The following CABIN1 variants were observed in gnomAD, a reference collection of about 807,000 sequenced individuals.
CABIN1 encodes calcineurin binding protein 1.
CABIN1 carries 133 observed loss-of-function variants against 227.7 expected under a neutral mutation model. The ratio of observed to expected loss-of-function variants is 0.58; its 90% confidence interval spans 0.51 to 0.67. The LOEUF (loss-of-function observed/expected upper bound fraction) is 0.67, where lower values mean the gene tolerates loss of function less well. Ranked by LOEUF, CABIN1 falls within the 30% of genes least tolerant of loss-of-function variation. The pLI is 0.00. For synonymous variants in CABIN1, 1,086 were observed against 1,155.1 expected (o/e 0.94, Z 1.21); for missense variants, 2,408 against 2,852.5 (o/e 0.84, Z 3.55).
At chr22:24,129,663 G>C (rs1355322508) in intron 28 of CABIN1, among the ~76,000 whole-genome samples, 1 of 152,260 alleles carries the variant, frequency 6.6e-6, no homozygotes, top group Non-Finnish European at 1.5e-5. Flanking sequence ...TTATAGGGCT[G>C]ATAGAGAAGT....
At chr22:24,171,610 G>C in intron 33 of CABIN1, 103 bp from the exon 34 acceptor site, 1 of 1,366,328 alleles carries the variant, frequency 7.3e-7, no homozygotes. Flanking sequence ...AGCCCCAGGC[G>C]CACAGGATGT....
At position 24,166,838 on chromosome 22, in the gene CABIN1, A is replaced by T. The variant is rs751503428; in HGVS notation, c.5207A>T (p.Asp1736Val). The change falls in exon 32 of 37, where the codon GAT becomes GTT. Residue 1736 changes from aspartate to valine, a missense_variant. By Grantham distance (152) the Asp-to-Val change is radical. This residue lies in a region of CABIN1 where 714 missense variants were observed against 773.8 expected (regional missense o/e 0.92). Coordinates refer to ENST00000263119, the MANE Select transcript of CABIN1 (RefSeq NM_012295.4). Reference protein sequence around the residue: ...GLLNHRPVAMDAGDSADQSGE... With the variant: ...GLLNHRPVAMVAGDSADQSGE... ...CTCAACCACCGGCCTGTGGCCATGG[A>T]TGCAGGAGACAGTGCAGACCAAAGC... The T allele has an allele frequency of 6.2e-7, 1 of 1,613,024 alleles. No individual in the cohort carries two copies. Among genetic ancestry groups the T allele is most frequent in the South Asian group, 1.1e-5 (1 of 91,090 alleles).
rs370218863 is a variant in CABIN1, at chr22:24,108,815, C to A, written c.4118-4751C>A. 2.6e-5 allele frequency among the ~76,000 whole-genome samples: 4 copies of A among 152,306 alleles called. No individual in the cohort carries two copies. In the East Asian group the frequency reaches 7.7e-4, roughly 29 times the overall value. ...GGCCTGTTGTGTCAATGTTGCCCCC[C>A]CATCTACATGGTGCTGCTTAGGTAT... is the stretch of plus-strand genomic sequence containing the variant. On this transcript the variant is annotated intron_variant, in intron 26 of 36. Transcript: ENST00000263119.
chr22:24,127,041 C>T (rs115451716), intron 28 of CABIN1, among the ~76,000 whole-genome samples: 1,850 of 151,656 alleles, frequency 0.012, 35 homozygotes, highest in African/African-American at 0.043. Context: ...AAAAAACTGT[C>T]GCAAGGTTGT....
chr22:24,092,872 C>T (rs1438427266), intron 24 of CABIN1, among the ~76,000 whole-genome samples: 3 of 152,178 alleles, frequency 2.0e-5, no homozygotes, highest in African/African-American at 7.2e-5. Context: ...CATATAGTAA[C>T]ATTTTCTTAT....
chr22:24,059,074 G>T (rs370901416), intron 10 of CABIN1, among the ~76,000 whole-genome samples, 153 bp from the exon 11 acceptor site: 1 of 152,236 alleles, frequency 6.6e-6, no homozygotes, highest in African/African-American at 2.4e-5. Flanking sequence ...GAGAGAGGCA[G>T]AGCCTCCTGG....
At chr22:24,029,602 C>T (rs1005040266) in intron 1 of CABIN1, among the ~76,000 whole-genome samples, 1 of 151,964 alleles carries the variant, frequency 6.6e-6, no homozygotes, top group African/African-American at 2.4e-5. Context: ...TTATACAGTA[C>T]ATGTTCAAAG....
rs1424032670 is a variant in CABIN1, at chr22:24,176,269, A to G, written c.6199A>G (p.Ser2067Gly). ...GGGCACAGGCGCTGAGCCCACCTGCAGCCAGGGTAAGGCGAGTTGGGAGCA... is the reference window on the plus strand; with the variant it reads ...GGGCACAGGCGCTGAGCCCACCTGCGGCCAGGGTAAGGCGAGTTGGGAGCA... ...ALGTGAEPTCSQEGKLRPEPR... is the reference protein window; with the variant it reads ...ALGTGAEPTCGQEGKLRPEPR... The change falls in exon 35 of 37, where the codon AGC (serine) becomes GGC (glycine). Residue 2067 changes from serine to glycine, a missense_variant. Coordinates refer to ENST00000263119, the MANE Select transcript of CABIN1 (RefSeq NM_012295.4). The G allele has an allele frequency of 3.7e-6, 6 of 1,600,024 alleles. No individual in the cohort carries two copies. Among genetic ancestry groups the G allele is most frequent in the Non-Finnish European group, 5.1e-6 (6 of 1,175,324 alleles).
intron 16 of CABIN1, among the ~76,000 whole-genome samples, 196 bp downstream of exon 16, chr22:24,067,377 G>A (rs2039762214): frequency 6.6e-6 from 1 of 152,354 alleles, no homozygotes; most frequent in African/African-American, 2.4e-5. Flanking sequence ...ACCAAGGAGT[G>A]CAGGTTCTAG....
At chr22:24,141,602 T>G (rs1321064245) in intron 29 of CABIN1, among the ~76,000 whole-genome samples, 1 of 138,492 alleles carries the variant, frequency 7.2e-6, no homozygotes, top group Non-Finnish European at 1.6e-5. Flanking sequence ...CCCCACCCCC[T>G]CCCAGGACTC....
intron 1 of CABIN1, among the ~76,000 whole-genome samples, chr22:24,028,893 A>G (rs1462330450): frequency 6.6e-6 from 1 of 152,200 alleles, no homozygotes; most frequent in Non-Finnish European, 1.5e-5. Flanking sequence ...AAGGCTATTA[A>G]GAGGGACAGA....
chr22:24,171,881 A>G lies in CABIN1; in HGVS notation c.5926A>G (p.Ile1976Val), dbSNP rs1456902706. The change falls in exon 34 of 37, where the codon ATT (isoleucine) becomes GTT (valine). Residue 1976 changes from isoleucine to valine, a missense_variant. This residue lies in a region of CABIN1 where 714 missense variants were observed against 773.8 expected (regional missense o/e 0.92). Transcript: ENST00000263119. ...CCCTGCACTAGCTGCCGCCACAACT[A>G]TTATCACCTGCCCTCCGTCAGCATC... Reference protein sequence around the residue: ...PRPALAAATTIITCPPSASAS... With the variant: ...PRPALAAATTVITCPPSASAS... 3.1e-6 allele frequency: 5 copies of G among 1,613,962 alleles called. No individual in the cohort carries two copies. Among genetic ancestry groups the G allele is most frequent in the Non-Finnish European group, 4.2e-6 (5 of 1,180,028 alleles).
chr22:24,173,586 A>T (rs2046951473), intron 34 of CABIN1, among the ~76,000 whole-genome samples: 1 of 152,250 alleles, frequency 6.6e-6, no homozygotes, highest in East Asian at 1.9e-4. Context: ...CTGTAATCCC[A>T]GCACAGTGGG....
intron 3 of CABIN1, among the ~76,000 whole-genome samples, chr22:24,037,260 A>C (rs1429441392): frequency 2.4e-5 from 3 of 122,816 alleles, no homozygotes; most frequent in Non-Finnish European, 5.2e-5. Context: ...ACCCCGTCTC[A>C]AAAAAAAAAA....
intron 1 of CABIN1, among the ~76,000 whole-genome samples, chr22:24,033,564 C>A (rs1381140936): frequency 6.6e-6 from 1 of 152,190 alleles, no homozygotes; most frequent in East Asian, 1.9e-4. Context: ...CTGCCAGCCT[C>A]TCAGCTAGGA....
rs140069761 is a variant in CABIN1 at position 24,120,628 on chromosome 22, C to G, written c.4632+930C>G. Among the ~76,000 whole-genome samples, 463 of 152,130 alleles carry G rather than the reference C, an allele frequency of 3.0e-3. 2 individuals carry two copies. Among genetic ancestry groups the G allele is most frequent in the Non-Finnish European group, 5.3e-3 (358 of 67,984 alleles). On this transcript the variant is annotated intron_variant, in intron 28 of 36. Coordinates refer to ENST00000263119, the MANE Select transcript of CABIN1 (RefSeq NM_012295.4). Reference sequence around the variant, plus strand: ...CCTGAGGTCAGGAGTTGAAGACCAACCTGGTGAATCCCCGTCTCTACTAAA... The same window carrying G: ...CCTGAGGTCAGGAGTTGAAGACCAAGCTGGTGAATCCCCGTCTCTACTAAA...
intron 15 of CABIN1, among the ~76,000 whole-genome samples, chr22:24,064,512 G>GTTTTTTTTTTTTTTTTTTTTTTTTTTTT: frequency 9.4e-6 from 1 of 106,902 alleles, no homozygotes; most frequent in Non-Finnish European, 1.8e-5. Flanking sequence ...CAGCTGAAAG[G>GTTTTTTTTTTTTTTTTTTTTTTTTTTTT]TTTTTTTTTT....
chr22:24,020,616 G>A (rs752455540), intron 1 of CABIN1, among the ~76,000 whole-genome samples: 2 of 152,158 alleles, frequency 1.3e-5, no homozygotes, highest in African/African-American at 4.8e-5. Context: ...ATGTCTGTCC[G>A]TTAGTATTTC....
At chr22:24,114,430 TAAC>T (rs1207272162) in intron 27 of CABIN1, among the ~76,000 whole-genome samples, 2 of 152,104 alleles carry the variant, frequency 1.3e-5, no homozygotes, top group East Asian at 2.0e-4. Context: ...CAAACAGTAA[TAAC>T]AACAACCCAG....
Sources: gnomAD v4.1 joint callset for allele counts (sites outside exome capture counted in the v4.1 genomes callset) on GRCh38, gnomAD v4.1.1 for gene constraint, gnomAD v4.1.1 regional missense constraint, MANE v1.5 for transcripts, NCBI Gene and HGNC (gene_info 2026-07-23, HGNC 2026-07-21) for gene names.